The following LVRN variants were observed in gnomAD, a reference collection of about 807,000 sequenced individuals.
The protein encoded by LVRN is laeverin.
Under a neutral mutation model 111.4 loss-of-function variants are expected in LVRN, and 99 were observed. The ratio of observed to expected loss-of-function variants is 0.89; its 90% CI spans 0.76 to 1.05. The LOEUF is 1.05. Ranked by LOEUF, LVRN falls within the 50% of genes least tolerant of loss-of-function variation. The probability of loss-of-function intolerance (pLI) is 0.00; values close to 1 mark genes in which losing one functional copy is unlikely to be tolerated. For missense variants in LVRN, 1,414 were observed against 1,206.8 expected (o/e 1.17, Z -2.54); for synonymous variants, 488 against 449.5 (o/e 1.09, Z -1.08).
At chr5:115,973,049 C>T (rs1163207850) in intron 1 of LVRN, among the ~76,000 whole-genome samples, 1 of 152,060 alleles carries the variant, frequency 6.6e-6, no homozygotes, top group Non-Finnish European at 1.5e-5. Flanking sequence ...CCACCTCAGC[C>T]TCCTGAGTAG....
chr5:115,981,463 TAGTAG>T (rs1174515260), intron 1 of LVRN, among the ~76,000 whole-genome samples: 21 of 152,126 alleles, frequency 1.4e-4, no homozygotes, highest in African/African-American at 4.3e-4. Context: ...GTGGGTATAA[TAGTAG>T]GTGTATATAT....
chr5:115,993,596 T>C (rs10478268), intron 5 of LVRN, 145 bp from the exon 6 acceptor site: 106,163 of 577,408 alleles, frequency 0.18, 11,885 homozygotes, highest in East Asian at 0.44. Flanking sequence ...GCTTTTTTGG[T>C]GTCCTGTCTT....
rs529373875 is a variant in LVRN at position 116,012,775 on chromosome 5, G to T, written c.2342+307G>T. ...CCTACTATTGGTGAAGATGTACTAA[G>T]CAAAGCTAGCCTATACCAGTGAGTT... On this transcript the variant is annotated intron_variant, in intron 15 of 19. Coordinates refer to ENST00000357872, the MANE Select transcript of LVRN (RefSeq NM_173800.5). Among the ~76,000 whole-genome samples the T allele has an allele frequency of 3.3e-5, 5 of 152,300 alleles. No homozygotes were observed. In the East Asian group the frequency reaches 9.6e-4, roughly 29 times the overall value.
At chr5:116,021,979 T>A (rs1508876) in intron 18 of LVRN, among the ~76,000 whole-genome samples, 12,389 of 152,228 alleles carry the variant, frequency 0.081, 610 homozygotes, top group Middle Eastern at 0.14. Context: ...ACAACATTTT[T>A]AAATACACGT....
At chr5:116,021,751 A>G (rs1478109630) in intron 18 of LVRN, 2 of 449,144 alleles carry the variant, frequency 4.5e-6, no homozygotes, top group Admixed American at 2.4e-5. Flanking sequence ...CACTTTGAGC[A>G]GGTAAGTGTC....
chr5:115,978,136 AG>A, intron 1 of LVRN, among the ~76,000 whole-genome samples: 1 of 152,230 alleles, frequency 6.6e-6, no homozygotes, highest in Non-Finnish European at 1.5e-5. Context: ...CATGGTGATT[AG>A]GGTATGACAC....
intron 14 of LVRN, among the ~76,000 whole-genome samples, chr5:116,011,487 A>G (rs74785624): frequency 6.6e-6 from 1 of 152,214 alleles, no homozygotes; most frequent in Admixed American, 6.6e-5. Flanking sequence ...ATAGGAAAAA[A>G]TAGCAAAGGT....
At chr5:116,024,112 G>A (rs1035877436) in intron 19 of LVRN, among the ~76,000 whole-genome samples, 1 of 152,150 alleles carries the variant, frequency 6.6e-6, no homozygotes, top group Admixed American at 6.5e-5. Context: ...GGACTGCAAG[G>A]ACCCTTTTTT....
At chr5:116,017,948 A>G (rs555369184) in intron 18 of LVRN, among the ~76,000 whole-genome samples, 2 of 152,312 alleles carry the variant, frequency 1.3e-5, no homozygotes, top group East Asian at 1.9e-4. Flanking sequence ...TGAAACACAC[A>G]TTAATGTTGT....
intron 4 of LVRN, among the ~76,000 whole-genome samples, chr5:115,989,605 A>G (rs1480276527): frequency 6.6e-6 from 1 of 152,198 alleles, no homozygotes; most frequent in African/African-American, 2.4e-5. Flanking sequence ...TATGGCAGTC[A>G]GGTGGTCAAC....
At chr5:116,005,711 G>C in intron 12 of LVRN, 1 of 644,842 alleles carries the variant, frequency 1.6e-6, no homozygotes, top group Non-Finnish European at 2.9e-6. Flanking sequence ...GATGTCCAGA[G>C]GGTTCATTTA....
intron 1 of LVRN, among the ~76,000 whole-genome samples, chr5:115,965,447 A>G (rs1193932412): frequency 6.6e-6 from 1 of 152,246 alleles, no homozygotes; most frequent in Non-Finnish European, 1.5e-5. Flanking sequence ...TGTTATGTGT[A>G]TTTTACTAGA....
chr5:116,012,991 A>C (rs763722455), intron 15 of LVRN, among the ~76,000 whole-genome samples: 4 of 152,118 alleles, frequency 2.6e-5, no homozygotes, highest in Non-Finnish European at 5.9e-5. Flanking sequence ...GAGTAAGCAT[A>C]TTGTCATGGT....
In LVRN at chr5:116,027,217, A is replaced by G. The variant is rs1237990233; in HGVS notation, c.*1099A>G. The G allele has an allele frequency of 6.6e-6, 1 of 152,206 alleles. No homozygotes were observed. Among genetic ancestry groups the G allele is most frequent in the African/African-American group, 2.4e-5 (1 of 41,460 alleles). 9.4% of individuals were successfully genotyped at this position (152,206 alleles called of 1,614,324 possible). Reference sequence around the variant, plus strand: ...TCCTCTTCTAGACTTTGTGTATATGATTTAATCTTTTATTTTTATTTTTGT... The same window carrying G: ...TCCTCTTCTAGACTTTGTGTATATGGTTTAATCTTTTATTTTTATTTTTGT... On this transcript the variant is annotated 3_prime_UTR_variant, in exon 20 of 20. Coordinates refer to ENST00000357872, the MANE Select transcript of LVRN (RefSeq NM_173800.5).
intron 14 of LVRN, 103 bp downstream of exon 14, chr5:116,010,997 T>C: frequency 2.3e-6 from 2 of 863,366 alleles, no homozygotes; most frequent in Non-Finnish European, 1.6e-6. Flanking sequence ...AGTAATAGTC[T>C]TAGTTCCATA....
intron 13 of LVRN, among the ~76,000 whole-genome samples, chr5:116,009,913 T>G (rs1748450968): frequency 1.3e-5 from 2 of 152,200 alleles, no homozygotes; most frequent in Admixed American, 1.3e-4. Flanking sequence ...AAGCAGGATG[T>G]GTGAGGGGAT....
Position 115,987,816 on chromosome 5 carries a change from C to A in LVRN, c.982C>A (p.Arg328Ser), listed in dbSNP as rs148676489. 6.2e-7 allele frequency: 1 copy of A among 1,610,432 alleles called. No homozygotes were observed. Among genetic ancestry groups the A allele is most frequent in the Admixed American group, 1.7e-5 (1 of 59,368 alleles). ...VNRTERGKEIRIWARKDAIAN... is the reference protein window; with the variant it reads ...VNRTERGKEISIWARKDAIAN... Reference sequence around the variant, plus strand: ...CTGCTTAACTGTTTTGATTTAGATACGCATCTGGGCCCGGAAAGATGCAAT... The same window carrying A: ...CTGCTTAACTGTTTTGATTTAGATAAGCATCTGGGCCCGGAAAGATGCAAT... Residue 328 changes from arginine (R) to serine (S), a missense_variant, in exon 4 of 20, where the codon CGC (arginine) becomes AGC (serine). Coordinates refer to ENST00000357872, the MANE Select transcript of LVRN (RefSeq NM_173800.5).
chr5:115,998,493 C>T (rs759749892), intron 6 of LVRN, among the ~76,000 whole-genome samples: 22 of 152,088 alleles, frequency 1.4e-4, no homozygotes, highest in Middle Eastern at 3.2e-3. Context: ...TTAATGGTGG[C>T]GACCTTAGGG....
In LVRN at chr5:115,977,570, T is replaced by C. The variant is rs533222641; in HGVS notation, c.696-5717T>C. On this transcript the variant is annotated intron_variant, in intron 1 of 19. Transcript: ENST00000357872. ...TTAGATTTGGGAATGCTATTAATTA[T>C]AAAGTTAATCTCTAGTCGTCTTCAT... 1.4e-3 allele frequency among the ~76,000 whole-genome samples: 208 copies of C among 152,334 alleles called. 1 individual carries two copies. Among genetic ancestry groups the C allele is most frequent in the African/African-American group, 4.7e-3 (197 of 41,576 alleles).
Sources: gnomAD v4.1 joint callset for allele counts (sites outside exome capture counted in the v4.1 genomes callset) on GRCh38, gnomAD v4.1.1 for gene constraint, MANE v1.5 for transcripts, NCBI Gene and HGNC (gene_info 2026-07-23, HGNC 2026-07-21) for gene names.